CNOT3: variants seen among roughly 807,000 people sequenced by gnomAD.
CNOT3 encodes CCR4-associated factor 3.
CNOT3 carries 2 observed loss-of-function variants against 89.4 expected under a neutral mutation model. That is an observed-to-expected ratio of 0.02 (90% confidence interval 0.01 to 0.07). The LOEUF is 0.07. Ranked by LOEUF, CNOT3 falls within the 10% of genes least tolerant of loss-of-function variation. CNOT3 has a pLI of 1.00. For synonymous variants in CNOT3, 486 were observed against 402.0 expected, an observed-to-expected ratio of 1.21 and a Z score of -2.50; for missense variants, 664 against 1,010.2, an observed-to-expected ratio of 0.66 and a Z score of 4.65.
In CNOT3 at chr19:54,144,166, C is replaced by G; in HGVS notation, c.387+32C>G. The G allele has an allele frequency of 6.2e-7, 1 of 1,609,706 alleles. No individual in the cohort carries two copies. The highest frequency in any genetic ancestry group is 1.7e-5 in the Admixed American group (1 of 59,652). ...TGGGGTAGAGAAGAGGAGGTGAACT[C>G]TGAGGATCCTGAGCCCTGGGTGTAG... On this transcript the variant is annotated intron_variant, in intron 6 of 17. Transcript: ENST00000221232. The surrounding 1 kb of genome is among the most constrained non-coding windows in gnomAD (Gnocchi z 4.8).
In CNOT3 at chr19:54,145,263, T is replaced by C. The variant is rs587694503; in HGVS notation, c.484-335T>C. ...CAGTCACAGTGGTGGGCGGGCTCAG[T>C]TGAGAAATCTGGGCTGTCAGGTGAG... On this transcript the variant is annotated intron_variant, in intron 7 of 17. Transcript: ENST00000221232. The surrounding 1 kb of genome is among the most constrained non-coding windows in gnomAD (Gnocchi z 5.9). 7.2e-5 allele frequency among the ~76,000 whole-genome samples: 11 copies of C among 151,944 alleles called. No homozygotes were observed. Among genetic ancestry groups the C allele is most frequent in the South Asian group, 2.1e-4 (1 of 4,810 alleles).
intron 1 of CNOT3, chr19:54,142,572 C>A: frequency 3.0e-6 from 1 of 331,994 alleles, no homozygotes; most frequent in Non-Finnish European, 5.8e-6. Context: ...CTAATGCCTC[C>A]ATCCCAGTCA....
chr19:54,140,572 G>A (rs36639), intron 1 of CNOT3, among the ~76,000 whole-genome samples: 87,102 of 151,818 alleles, frequency 0.57, 25,167 homozygotes, highest in East Asian at 0.76. Context: ...TCATGATATA[G>A]GGATTTTCTT....
rs1288053418 is a variant in CNOT3 at position 54,148,362 on chromosome 19, C to T, written c.1109C>T (p.Pro370Leu). 4.4e-6 allele frequency: 7 copies of T among 1,576,438 alleles called. No homozygotes were observed. Reference sequence around the variant, plus strand: ...AGCCACAACTCGGGCACCCCTGCTCCCTATGCCCAGGCTGTGGCCCCACCA... The same window carrying T: ...AGCCACAACTCGGGCACCCCTGCTCTCTATGCCCAGGCTGTGGCCCCACCA... ...APSHNSGTPA[P>L]YAQAVAPPAP... Residue 370 changes from proline (P) to leucine (L), a missense_variant, in exon 11 of 18, where the codon CCC becomes CTC. By Grantham distance (98) the Pro-to-Leu change is moderately conservative (BLOSUM62 -3). Coordinates refer to ENST00000221232, the MANE Select transcript of CNOT3 (RefSeq NM_014516.4). This position sits in a 1 kb window ranked among gnomAD's most constrained non-coding sequence, Gnocchi z 6.3.
At chr19:54,149,833 C>T in intron 13 of CNOT3, 75 bp downstream of exon 13, 1 of 1,390,410 alleles carries the variant, frequency 7.2e-7, no homozygotes, top group Non-Finnish European at 9.6e-7. Context: ...TCTAGCTGCA[C>T]CCCTTGCCCC....
chr19:54,138,658 G>T (rs912643057), intron 1 of CNOT3, among the ~76,000 whole-genome samples: 1 of 152,238 alleles, frequency 6.6e-6, no homozygotes, highest in Non-Finnish European at 1.5e-5. Flanking sequence ...TATCGGATGG[G>T]AGCCTCTTGG....
At chr19:54,146,213 C>T (rs1174271945) in intron 9 of CNOT3, among the ~76,000 whole-genome samples, 170 bp downstream of exon 9, 1 of 152,220 alleles carries the variant, frequency 6.6e-6, no homozygotes, top group African/African-American at 2.4e-5. Flanking sequence ...ATCTGGGTCC[C>T]TAAAGGACAT....
At position 54,152,629 on chromosome 19, in the gene CNOT3, G is replaced by A. The variant is rs1415386783; in HGVS notation, c.1904+3G>A. ...CCCTCTGACTCTGAGCGTATTCGGTGAGGGGCCACAGGGAAGGGGGATGGT... is the reference window on the plus strand; with the variant it reads ...CCCTCTGACTCTGAGCGTATTCGGTAAGGGGCCACAGGGAAGGGGGATGGT... On this transcript the variant is annotated splice_donor_region_variant and intron_variant, in intron 15 of 17. Transcript: ENST00000221232. 1.1e-5 allele frequency: 18 copies of A among 1,608,750 alleles called. No homozygotes were observed. Among genetic ancestry groups the A allele is most frequent in the East Asian group, 2.2e-5 (1 of 44,868 alleles).
intron 1 of CNOT3, among the ~76,000 whole-genome samples, chr19:54,139,362 A>G (rs2074356212): frequency 6.6e-6 from 1 of 151,712 alleles, no homozygotes; most frequent in African/African-American, 2.4e-5. Flanking sequence ...CTTCCCATCT[A>G]CCCTTACGCT....
At chr19:54,151,592 G>A (rs1336647698) in intron 13 of CNOT3, among the ~76,000 whole-genome samples, 1 of 152,212 alleles carries the variant, frequency 6.6e-6, no homozygotes, top group Admixed American at 6.5e-5. Flanking sequence ...TGGGGTTTGG[G>A]ACAGCTGCAC....
chr19:54,142,694 A>C, intron 1 of CNOT3: 1 of 584,264 alleles, frequency 1.7e-6, no homozygotes, highest in Non-Finnish European at 3.1e-6. Flanking sequence ...AGAGGCACAC[A>C]AAAAAGTATG....
rs587617892 is a variant in CNOT3, at chr19:54,148,565, G to A, written c.1282+30G>A. 1.5e-5 allele frequency: 24 copies of A among 1,575,350 alleles called. No individual in the cohort carries two copies. In the Admixed American group the frequency reaches 2.3e-4, roughly 15 times the overall value. On this transcript the variant is annotated intron_variant, in intron 11 of 17. Transcript: ENST00000221232. The surrounding 1 kb of genome is among the most constrained non-coding windows in gnomAD (Gnocchi z 6.3). ...GTGAGGAGGCAGCGGGGTGGGGGGC[G>A]TGGGCGGGGCTGGGCAGCAGGCAGC...
intron 1 of CNOT3, 83 bp from the exon 2 acceptor site, chr19:54,142,846 T>G (rs2074508093): frequency 1.2e-6 from 1 of 863,786 alleles, no homozygotes; most frequent in Admixed American, 1.8e-5. Context: ...CCCACCTACC[T>G]CACTATGCTG....
chr19:54,148,098 A>G lies in CNOT3; in HGVS notation c.895-50A>G, dbSNP rs1452435219. On this transcript the variant is annotated intron_variant, in intron 10 of 17. Transcript: ENST00000221232. The surrounding 1 kb of genome is among the most constrained non-coding windows in gnomAD (Gnocchi z 6.3). ...GAGCCTGAGGTGGGGGTGGTGAGGG[A>G]GACCAGCTGGCCCACTGGGTCCTGA... is the stretch of plus-strand genomic sequence containing the variant. 5 of 1,361,158 alleles carry G rather than the reference A, an allele frequency of 3.7e-6. No homozygotes were observed. The highest frequency in any genetic ancestry group is 4.8e-6 in the Non-Finnish European group (5 of 1,043,944). 84.3% of individuals were successfully genotyped at this position (1,361,158 alleles called of 1,614,324 possible). A position where few individuals can be genotyped will look rare whatever the true frequency, so the allele number is the denominator to read the frequency against.
rs114338028 is a variant in CNOT3 at position 54,153,867 on chromosome 19, G to A, written c.2163+27G>A. The A allele has an allele frequency of 5.7e-3, 9,196 of 1,613,918 alleles. 468 individuals carry two copies. The African/African-American group carries it at 0.11, about 19-fold the overall frequency. Reference sequence around the variant, plus strand: ...TGAGGGCCCCGCCCCCTCTCTTCCCGCTGCTAGGGTTGGGGTAGAGTCCCC... The same window carrying A: ...TGAGGGCCCCGCCCCCTCTCTTCCCACTGCTAGGGTTGGGGTAGAGTCCCC... On this transcript the variant is annotated intron_variant, in intron 17 of 17. Transcript: ENST00000221232.
chr19:54,143,625 C>T (rs1339073783), intron 4 of CNOT3, 35 bp from the exon 5 acceptor site: 12 of 1,611,012 alleles, frequency 7.4e-6, no homozygotes, highest in Non-Finnish European at 1.0e-5. Context: ...TTCCTGGGTC[C>T]TGAGGTCTGA....
In CNOT3 at chr19:54,139,461, C is replaced by T. The variant is rs587673885; in HGVS notation, c.-51+1468C>T. On this transcript the variant is annotated intron_variant, in intron 1 of 17. Transcript: ENST00000221232. Reference sequence around the variant, plus strand: ...GTAGGAAGCTTCCTAGACCCGGGTTCCTGTACTGCGAGGTGGGGGCTCTTC... The same window carrying T: ...GTAGGAAGCTTCCTAGACCCGGGTTTCTGTACTGCGAGGTGGGGGCTCTTC... Among the ~76,000 whole-genome samples the T allele has an allele frequency of 1.0e-3, 152 of 152,234 alleles. 7 individuals carry two copies. The South Asian group carries it at 0.031, about 31-fold the overall frequency.
rs2074944492 is a variant in CNOT3, at chr19:54,149,665, T to C, written c.1512T>C (p.Pro504=). The C allele has an allele frequency of 6.2e-7, 1 of 1,613,876 alleles. No homozygotes were observed. The highest frequency in any genetic ancestry group is 8.5e-7 in the Non-Finnish European group (1 of 1,179,950). ...PSLLVPLPVN[P]PSSPTPSFSD... is the part of the protein sequence containing the mutation. ...TCCTGGTGCCACTGCCTGTGAATCC[T>C]CCCAGCTCCCCAACGCCCAGCTTCA... is the stretch of plus-strand genomic sequence containing the variant. Residue 504 remains proline, a synonymous_variant, in exon 13 of 18, where the codon CCT becomes CCC. Coordinates refer to ENST00000221232, the MANE Select transcript of CNOT3 (RefSeq NM_014516.4).
intron 13 of CNOT3, among the ~76,000 whole-genome samples, chr19:54,150,832 C>G (rs2075053510): frequency 6.6e-6 from 1 of 151,662 alleles, no homozygotes; most frequent in African/African-American, 2.4e-5. Context: ...GCTCTGTCAC[C>G]CAGGCTGGAG....
Sources: gnomAD v4.1 joint callset for allele counts (sites outside exome capture counted in the v4.1 genomes callset) on GRCh38, gnomAD v4.1.1 for gene constraint, Gnocchi (gnomAD v3.1) non-coding constraint, MANE v1.5 for transcripts, NCBI Gene and HGNC (gene_info 2026-07-23, HGNC 2026-07-21) for gene names.